The following ARL15 variants were observed in gnomAD, a reference collection of about 807,000 sequenced individuals.
ARL15 encodes the protein ARF like GTPase 15.
A neutral mutation model predicts 25.2 loss-of-function variants in ARL15; 19 were observed. The ratio of observed to expected loss-of-function variants is 0.75; its 90% CI spans 0.53 to 1.10. The LOEUF is 1.10. ARL15 is among the 50% of genes least tolerant of loss of function. The pLI is 0.00. For synonymous variants in ARL15, 94 were observed against 86.8 expected, an observed-to-expected ratio of 1.08 and a Z score of -0.46; for missense variants, 220 against 246.0, an observed-to-expected ratio of 0.89 and a Z score of 0.71.
chr5:53,929,322 A>G (rs1746127881), intron 4 of ARL15, among the ~76,000 whole-genome samples: 1 of 152,172 alleles, frequency 6.6e-6, no homozygotes, highest in Non-Finnish European at 1.5e-5. Context: ...GAGTTATGTA[A>G]AGTATTGGTG....
chr5:54,270,171 A>AT (rs1757744720), intron 1 of ARL15, among the ~76,000 whole-genome samples: 9 of 152,204 alleles, frequency 5.9e-5, no homozygotes, highest in African/African-American at 1.9e-4. Flanking sequence ...TCAGCTGACA[A>AT]TTTGAGTATA....
intron 4 of ARL15, among the ~76,000 whole-genome samples, chr5:54,072,613 A>G (rs1751462149): frequency 6.6e-6 from 1 of 152,226 alleles, no homozygotes. Flanking sequence ...AGGGAAAAAA[A>G]TGCCTTTCTT....
intron 1 of ARL15, among the ~76,000 whole-genome samples, chr5:54,227,468 AAT>A (rs1172012691): frequency 6.6e-6 from 1 of 152,230 alleles, no homozygotes; most frequent in African/African-American, 2.4e-5. Context: ...TCAGTGAAAA[AAT>A]AGAGACTTGT....
chr5:53,901,832 T>A (rs1260125747), intron 4 of ARL15, among the ~76,000 whole-genome samples: 2 of 152,228 alleles, frequency 1.3e-5, no homozygotes, highest in Non-Finnish European at 2.9e-5. Context: ...GTTGGATTAT[T>A]CCTCCTTTGC....
At chr5:54,283,995 G>C (rs1224067346) in intron 1 of ARL15, among the ~76,000 whole-genome samples, 1 of 152,166 alleles carries the variant, frequency 6.6e-6, no homozygotes, top group East Asian at 1.9e-4. Context: ...AATGAGAACA[G>C]TGGACACATG....
At chr5:54,016,315 G>A (rs1477577363) in intron 4 of ARL15, among the ~76,000 whole-genome samples, 3 of 152,126 alleles carry the variant, frequency 2.0e-5, no homozygotes, top group East Asian at 3.9e-4. Flanking sequence ...TGAAAGAGAT[G>A]GTAAGTAGAC....
intron 3 of ARL15, among the ~76,000 whole-genome samples, chr5:54,133,544 A>G (rs925613387): frequency 6.6e-6 from 1 of 152,234 alleles, no homozygotes; most frequent in African/African-American, 2.4e-5. Flanking sequence ...GCCAGATGCC[A>G]TTAGACATGT....
At chr5:54,176,006 A>C (rs932301562) in intron 1 of ARL15, among the ~76,000 whole-genome samples, 16 of 152,178 alleles carry the variant, frequency 1.1e-4, no homozygotes, top group Middle Eastern at 6.8e-3. Context: ...CCATGGTTTC[A>C]ATCATATAAC....
chr5:54,017,539 G>A (rs1383005969), intron 4 of ARL15, among the ~76,000 whole-genome samples: 1 of 149,688 alleles, frequency 6.7e-6, no homozygotes, highest in East Asian at 2.0e-4. Flanking sequence ...CCACCCAGAA[G>A]GAGCATGTTC....
At chr5:54,162,435 T>C (rs551810821) in intron 2 of ARL15, among the ~76,000 whole-genome samples, 5 of 152,314 alleles carry the variant, frequency 3.3e-5, no homozygotes, top group Non-Finnish European at 7.4e-5. Flanking sequence ...TCTTCCTCCA[T>C]ACACTAGCAA....
At chr5:54,155,899 A>C (rs1336374584) in intron 2 of ARL15, among the ~76,000 whole-genome samples, 1 of 152,146 alleles carries the variant, frequency 6.6e-6, no homozygotes, top group Non-Finnish European at 1.5e-5. Flanking sequence ...TCTAGGAGTT[A>C]ATGTATCAAT....
chr5:53,925,476 C>T (rs533970665), intron 4 of ARL15, among the ~76,000 whole-genome samples: 7 of 152,248 alleles, frequency 4.6e-5, no homozygotes, highest in Non-Finnish European at 1.0e-4. Context: ...GGATTATAGG[C>T]GTGAACCACT....
intron 4 of ARL15, among the ~76,000 whole-genome samples, chr5:53,928,212 T>G: frequency 6.6e-6 from 1 of 152,214 alleles, no homozygotes; most frequent in East Asian, 1.9e-4. Flanking sequence ...AAAAGGTTCC[T>G]GGAGAAGGGT....
chr5:53,935,834 T>C (rs571158700), intron 4 of ARL15, among the ~76,000 whole-genome samples: 1 of 152,290 alleles, frequency 6.6e-6, no homozygotes, highest in East Asian at 1.9e-4. Flanking sequence ...CGGCAACCTC[T>C]GCCTCCTGAG....
chr5:54,138,286 TAGGCAACATAGTGAGACCCC>T (rs1753665988), intron 3 of ARL15, among the ~76,000 whole-genome samples: 2 of 152,084 alleles, frequency 1.3e-5, no homozygotes. Context: ...GAGGCCAGCC[TAGGCAACATAGTGAGACCCC>T]ATCTCTAAAA....
At chr5:54,176,849 C>T (rs1025241598) in intron 1 of ARL15, among the ~76,000 whole-genome samples, 1 of 152,172 alleles carries the variant, frequency 6.6e-6, no homozygotes, top group Non-Finnish European at 1.5e-5. Flanking sequence ...TTCATTTTTC[C>T]AAGGTATCTT....
intron 4 of ARL15, among the ~76,000 whole-genome samples, chr5:54,033,302 G>A (rs1016561213): frequency 3.3e-5 from 5 of 151,970 alleles, no homozygotes; most frequent in Non-Finnish European, 7.4e-5. Context: ...GACAGAGCAA[G>A]ACTCCGTCTC....
At chr5:54,059,473 G>A (rs1014447557) in intron 4 of ARL15, among the ~76,000 whole-genome samples, 2 of 152,178 alleles carry the variant, frequency 1.3e-5, no homozygotes, top group Non-Finnish European at 2.9e-5. Context: ...TTAAATAATG[G>A]CATGAGCCTG....
At chr5:54,133,716 C>A (rs1032160087) in intron 3 of ARL15, among the ~76,000 whole-genome samples, 1 of 151,986 alleles carries the variant, frequency 6.6e-6, no homozygotes, top group African/African-American at 2.4e-5. Context: ...ACTACACTAC[C>A]AAAAATGATC....
Sources: allele counts gnomAD v4.1 joint callset (sites outside exome capture counted in the v4.1 genomes callset), GRCh38; gene constraint gnomAD v4.1.1; transcripts MANE v1.5; gene names NCBI Gene and HGNC (gene_info 2026-07-23, HGNC 2026-07-21).